The following SYN3 variants were observed in gnomAD, a reference collection of about 807,000 sequenced individuals.
The protein encoded by SYN3 is synapsin-3.
A neutral mutation model predicts 65.8 loss-of-function variants in SYN3; 35 were observed. That is an observed-to-expected ratio of 0.53 (90% CI 0.41 to 0.70). The LOEUF is 0.70. Ranked by LOEUF, SYN3 falls within the 30% of genes least tolerant of loss-of-function variation. SYN3 has a pLI of 0.00. For synonymous variants in SYN3, 270 were observed against 292.9 expected (o/e 0.92, Z 0.80); for missense variants, 680 against 749.0 (o/e 0.91, Z 1.08).
intron 7 of SYN3, among the ~76,000 whole-genome samples, chr22:32,543,931 T>C (rs555439263): frequency 1.3e-5 from 2 of 152,288 alleles, no homozygotes; most frequent in East Asian, 3.9e-4. Context: ...AGGACCTGGG[T>C]CACTAGCACT....
At chr22:32,639,821 A>G (rs2059870525) in intron 6 of SYN3, among the ~76,000 whole-genome samples, 1 of 152,238 alleles carries the variant, frequency 6.6e-6, no homozygotes, top group Non-Finnish European at 1.5e-5. Flanking sequence ...TGCCTGGATT[A>G]CAGGTGTGAG....
chr22:32,907,789 G>A (rs2146560263), intron 4 of SYN3, among the ~76,000 whole-genome samples: 1 of 152,152 alleles, frequency 6.6e-6, no homozygotes, highest in East Asian at 1.9e-4. Context: ...ACCATACATG[G>A]CCCCAAAAGG....
Position 32,517,211 on chromosome 22 carries a change from C to G in SYN3, c.1610+832G>C, listed in dbSNP as rs1021348688. On this transcript the variant is annotated intron_variant, in intron 13 of 13. Coordinates refer to ENST00000358763, the MANE Select transcript of SYN3 (RefSeq NM_003490.4). ...GGTTTGGCCCTGTGACTTGCTTTGA[C>G]TAAAAGCGTGTGATAAAATAACATT... 3.3e-5 allele frequency among the ~76,000 whole-genome samples: 5 copies of G among 152,222 alleles called. No individual in the cohort carries two copies. The East Asian group carries it at 9.6e-4, about 29-fold the overall frequency.
intron 6 of SYN3, among the ~76,000 whole-genome samples, chr22:32,773,372 A>T (rs1302903893): frequency 2.2e-5 from 3 of 139,030 alleles, no homozygotes; most frequent in African/African-American, 8.2e-5. Context: ...GTGCCACTGC[A>T]CTCCAGTCTG....
intron 6 of SYN3, among the ~76,000 whole-genome samples, chr22:32,761,490 G>C (rs1184040512): frequency 6.6e-6 from 1 of 152,170 alleles, no homozygotes; most frequent in Admixed American, 6.5e-5. Context: ...GGGAGTGGGG[G>C]GACAACAGCA....
chr22:32,984,665 G>A (rs2052472503), intron 2 of SYN3, among the ~76,000 whole-genome samples: 1 of 152,198 alleles, frequency 6.6e-6, no homozygotes, highest in South Asian at 2.1e-4. Context: ...TGCCTGTCAA[G>A]AGAGGTGTGG....
chr22:32,881,793 C>G (rs977000196), intron 4 of SYN3, among the ~76,000 whole-genome samples: 1 of 152,138 alleles, frequency 6.6e-6, no homozygotes, highest in Admixed American at 6.5e-5. Flanking sequence ...CAGTGGCTCA[C>G]GCCTGTAATC....
chr22:32,933,927 T>G (rs1241449949), intron 3 of SYN3, among the ~76,000 whole-genome samples: 1 of 152,210 alleles, frequency 6.6e-6, no homozygotes, highest in Non-Finnish European at 1.5e-5. Context: ...ACAGGAATTA[T>G]GACCAAAGAC....
At chr22:32,908,480 C>T (rs1370104432) in intron 4 of SYN3, among the ~76,000 whole-genome samples, 1 of 148,992 alleles carries the variant, frequency 6.7e-6, no homozygotes, top group Non-Finnish European at 1.5e-5. Context: ...AACCTTTTAA[C>T]TCCTGGGCTC....
Position 32,508,495 on chromosome 22 carries a change from C to T in SYN3, c.*5197G>A, listed in dbSNP as rs564675098. ...GTTTAGTGGTCTCTTCACACAGACG[C>T]GCATGAAAGGGGCCCCAAGGAGAGG... On this transcript the variant is annotated 3_prime_UTR_variant, in exon 14 of 14. Coordinates refer to ENST00000358763, the MANE Select transcript of SYN3 (RefSeq NM_003490.4). Among the ~76,000 whole-genome samples, 85 of 152,262 alleles carry T rather than the reference C, an allele frequency of 5.6e-4. 2 individuals are homozygous for T. In the South Asian group the frequency reaches 8.7e-3, roughly 16 times the overall value.
intron 4 of SYN3, among the ~76,000 whole-genome samples, chr22:32,901,678 C>A (rs137527): frequency 0.98 from 149,482 of 152,336 alleles, 73,350 homozygotes; most frequent in East Asian, 1. Context: ...CCAGGACAAC[C>A]CTCCGAAGTC....
intron 6 of SYN3, among the ~76,000 whole-genome samples, chr22:32,716,145 T>C (rs1192289619): frequency 6.6e-6 from 1 of 152,154 alleles, no homozygotes; most frequent in Non-Finnish European, 1.5e-5. Flanking sequence ...CCCAACCCCA[T>C]CTGATTTCCT....
At chr22:32,955,948 T>C (rs1453409642) in intron 3 of SYN3, among the ~76,000 whole-genome samples, 3 of 151,772 alleles carry the variant, frequency 2.0e-5, no homozygotes, top group African/African-American at 2.4e-5. Flanking sequence ...TCTTCAGCTT[T>C]GGGACTCAGA....
chr22:32,814,129 TGTGTGTGTGTGTGAGAGA>T, intron 6 of SYN3, among the ~76,000 whole-genome samples: 1 of 137,522 alleles, frequency 7.3e-6, no homozygotes, highest in South Asian at 2.4e-4. Context: ...TGTGTGTGTG[TGTGTGTGTGTGTGAGAGA>T]GAGAGAGAGA....
chr22:32,763,142 TTTG>T (rs71961154), intron 6 of SYN3, among the ~76,000 whole-genome samples: 116,509 of 149,200 alleles, frequency 0.78, 46,245 homozygotes, highest in African/African-American at 0.93. Context: ...TGATCTATTT[TTTG>T]TTGTTGTTGT....
At chr22:32,667,608 T>A (rs1257582345) in intron 6 of SYN3, among the ~76,000 whole-genome samples, 1 of 152,182 alleles carries the variant, frequency 6.6e-6, no homozygotes, top group East Asian at 1.9e-4. Context: ...GCTAAATTGC[T>A]GGGTTGCCTT....
intron 6 of SYN3, among the ~76,000 whole-genome samples, chr22:32,657,350 A>G (rs1366605814): frequency 2.6e-5 from 4 of 151,582 alleles, no homozygotes; most frequent in Admixed American, 2.6e-4. Flanking sequence ...GTCTCGATCT[A>G]CTGACATTGT....
At chr22:32,867,036 G>C (rs187855990) in intron 5 of SYN3, among the ~76,000 whole-genome samples, 1 of 152,300 alleles carries the variant, frequency 6.6e-6, no homozygotes, top group African/African-American at 2.4e-5. Context: ...TAAGTTCAGA[G>C]AGGTTAATGG....
chr22:32,722,605 T>C (rs2061135195), intron 6 of SYN3, among the ~76,000 whole-genome samples: 1 of 152,178 alleles, frequency 6.6e-6, no homozygotes, highest in Non-Finnish European at 1.5e-5. Context: ...AAGTCTGGAA[T>C]TGGTGGCCGA....
Sources: gnomAD v4.1 joint callset for allele counts (sites outside exome capture counted in the v4.1 genomes callset) on GRCh38, gnomAD v4.1.1 for gene constraint, MANE v1.5 for transcripts, NCBI Gene and HGNC (gene_info 2026-07-23, HGNC 2026-07-21) for gene names.